TCIRG1: variants seen among roughly 807,000 people sequenced by gnomAD.
TCIRG1 encodes the protein V-type proton ATPase 116 kDa subunit a 3.
In TCIRG1, 86 loss-of-function variants were observed where a neutral mutation model predicts 95.5. The observed-to-expected ratio is 0.90, with a 90% confidence interval of 0.76 to 1.08. The LOEUF (loss-of-function observed/expected upper bound fraction) is 1.08, where lower values mean the gene tolerates loss of function less well. TCIRG1 is among the 50% of genes least tolerant of loss of function. The pLI, the probability that TCIRG1 is intolerant of heterozygous loss-of-function variation, is 0.00. For missense variants in TCIRG1, 1,069 were observed against 1,140.2 expected, an observed-to-expected ratio of 0.94 and a Z score of 0.90; for synonymous variants, 499 against 501.3, an observed-to-expected ratio of 1.00 and a Z score of 0.06.
In TCIRG1 at chr11:68,049,273, C is replaced by A; in HGVS notation, c.1866C>A (p.Asn622Lys). 1 of 1,612,014 alleles carries A rather than the reference C, an allele frequency of 6.2e-7. No individual in the cohort carries two copies. The highest frequency in any genetic ancestry group is 2.2e-5 in the East Asian group (1 of 44,860). The stretch of plus-strand genomic sequence containing the variant: ...TCCTCTTCTCCCACAGCCCCAGCAA[C>A]AGGCTGCTCTACCCCCGGCAGGTGG... Reference protein sequence around the residue: ...NMFLFSHSPSNRLLYPRQEVV... With the variant: ...NMFLFSHSPSKRLLYPRQEVV... The change falls in exon 15 of 20, where the codon AAC becomes AAA. Residue 622 changes from asparagine (N) to lysine (K), a missense_variant. By Grantham distance (94) the Asn-to-Lys change is moderately conservative. Coordinates refer to ENST00000265686, the MANE Select transcript of TCIRG1 (RefSeq NM_006019.4).
rs199696448 is a variant in TCIRG1 at position 68,049,117 on chromosome 11, G to A, written c.1710G>A (p.Thr570=). Residue 570 remains threonine, a synonymous_variant, in exon 15 of 20, where the codon ACG becomes ACA. Transcript: ENST00000265686. Reference sequence around the variant, plus strand: ...AGAGGCACCGGCTGCTGCTGGAGACGCTGCCGGAGCTCACCTTCCTGCTGG... The same window carrying A: ...AGAGGCACCGGCTGCTGCTGGAGACACTGCCGGAGCTCACCTTCCTGCTGG... ...FGQRHRLLLE[T]LPELTFLLGL... 1.7e-5 allele frequency: 27 copies of A among 1,613,694 alleles called. 1 individual carries two copies. The highest frequency in any genetic ancestry group is 1.4e-4 in the South Asian group (13 of 91,092).
chr11:68,053,727 T>C, downstream of TCIRG1: 1 of 388,706 alleles, frequency 2.6e-6, no homozygotes, highest in Non-Finnish European at 4.6e-6. Flanking sequence ...TTCTCTAGAT[T>C]AAAAGGATTC....
At chr11:68,040,153 G>T (rs1855089797) in intron 1 of TCIRG1, among the ~76,000 whole-genome samples, 1 of 152,160 alleles carries the variant, frequency 6.6e-6, no homozygotes. Flanking sequence ...GGTTATTTTT[G>T]TCACCTCCCT....
In TCIRG1 at chr11:68,040,519, A is replaced by G. The variant is rs117597992; in HGVS notation, c.-4-749A>G. Reference sequence around the variant, plus strand: ...CTGACCAGGCCTGTCCCCTCCCCCTAATTTTCGAGCTAAGCAACTGATTCC... The same window carrying G: ...CTGACCAGGCCTGTCCCCTCCCCCTGATTTTCGAGCTAAGCAACTGATTCC... On this transcript the variant is annotated intron_variant, in intron 1 of 19. Coordinates refer to ENST00000265686, the MANE Select transcript of TCIRG1 (RefSeq NM_006019.4). 3.9e-3 allele frequency among the ~76,000 whole-genome samples: 597 copies of G among 152,296 alleles called. 3 individuals carry two copies. The highest frequency in any genetic ancestry group is 6.4e-3 in the Non-Finnish European group (438 of 68,008).
chr11:68,047,437 C>T lies in TCIRG1; in HGVS notation c.1170C>T (p.Pro390=), dbSNP rs755686414. 2 of 1,613,888 alleles carry T rather than the reference C, an allele frequency of 1.2e-6. No homozygotes were observed. Among genetic ancestry groups the T allele is most frequent in the African/African-American group, 1.3e-5 (1 of 74,926 alleles). The change falls in exon 11 of 20, where the codon CCC becomes CCT. Residue 390 remains proline, a synonymous_variant. Transcript: ENST00000265686. ...VGRYQEVNPA[P]YTIITFPFLF... ...CTCACCCACCTCTGCCCACAGCTCC[C>T]TACACCATCATCACCTTCCCCTTCC... is the stretch of plus-strand genomic sequence containing the variant.
chr11:68,043,787 C>A (rs1202626040), intron 7 of TCIRG1, 27 bp from the exon 8 acceptor site: 1 of 1,553,462 alleles, frequency 6.4e-7, no homozygotes, highest in South Asian at 1.2e-5. Context: ...TCCTTCTGGC[C>A]CCTCACGCAG....
chr11:68,044,484 C>T lies in TCIRG1; in HGVS notation c.1020+140C>T, dbSNP rs1033852637. On this transcript the variant is annotated intron_variant, in intron 9 of 19. Transcript: ENST00000265686. ...TTCTCCTCCCAGCCTCCTCCATGGC[C>T]CACCGCTTCCAGGGAGTCTGCCCTG... 5.6e-6 allele frequency: 4 copies of T among 720,010 alleles called. No homozygotes were observed. The African/African-American group carries it at 7.0e-5, about 13-fold the overall frequency. 44.6% of individuals were successfully genotyped at this position (720,010 alleles called of 1,614,324 possible).
In TCIRG1 at chr11:68,050,171, T is replaced by C; in HGVS notation, c.2153T>C (p.Ile718Thr). The change falls in exon 18 of 20, where the codon ATC becomes ACC. Residue 718 changes from isoleucine to threonine, a missense_variant. Coordinates refer to ENST00000265686, the MANE Select transcript of TCIRG1 (RefSeq NM_006019.4). ...VPSEVLMHQA[I>T]HTIEFCLGCV... ...TCCGAGGTGCTCATGCACCAGGCCA[T>C]CCACACCATCGAGTTCTGCCTGGGC... 2 of 1,613,644 alleles carry C rather than the reference T, an allele frequency of 1.2e-6. No homozygotes were observed. Among genetic ancestry groups the C allele is most frequent in the African/African-American group, 1.3e-5 (1 of 75,048 alleles).
rs769231419 is a variant in TCIRG1, at chr11:68,049,747, C to T, written c.1972C>T (p.Arg658Cys). The change falls in exon 16 of 20, where the codon CGC becomes TGC. Residue 658 changes from arginine (R) to cysteine (C), a missense_variant. Coordinates refer to ENST00000265686, the MANE Select transcript of TCIRG1 (RefSeq NM_006019.4). ...LLGTPLHLLH[R>C]HRRRLRRRPA... is the part of the protein sequence containing the mutation. ...TGGCACACCCCTGCACCTGCTGCAC[C>T]GCCACCGCCGCCGCCTGCGGAGGAG... 1.7e-5 allele frequency: 27 copies of T among 1,577,314 alleles called. No homozygotes were observed. Among genetic ancestry groups the T allele is most frequent in the Middle Eastern group, 2.1e-4 (1 of 4,676 alleles).
chr11:68,050,302 C>T (rs765249211), intron 18 of TCIRG1, 48 bp downstream of exon 18: 11 of 1,599,838 alleles, frequency 6.9e-6, no homozygotes, highest in Non-Finnish European at 8.5e-6. Flanking sequence ...TGGCTTCTCA[C>T]ATACCGCTGC....
At chr11:68,040,109 G>C (rs991283075) in intron 1 of TCIRG1, 1 of 152,888 alleles carries the variant, frequency 6.5e-6, no homozygotes, top group Non-Finnish European at 1.5e-5. Flanking sequence ...ATTAGTGTGA[G>C]GTCGTGTGGA....
At chr11:68,049,610 C>T in intron 15 of TCIRG1, 53 bp from the exon 16 acceptor site, 1 of 1,583,954 alleles carries the variant, frequency 6.3e-7, no homozygotes, top group Non-Finnish European at 8.5e-7. Flanking sequence ...ACTCAGGTTC[C>T]TTTGCAGGTG....
chr11:68,046,118 T>C (rs1855471817), intron 10 of TCIRG1, among the ~76,000 whole-genome samples: 1 of 152,172 alleles, frequency 6.6e-6, no homozygotes, highest in South Asian at 2.1e-4. Flanking sequence ...CGGGGCAGCG[T>C]GTTTGCCAGG....
chr11:68,052,661 A>T (rs760246316), downstream of TCIRG1, among the ~76,000 whole-genome samples: 1 of 152,076 alleles, frequency 6.6e-6, no homozygotes, highest in Non-Finnish European at 1.5e-5. Context: ...GGGAAACCAG[A>T]GTGTGCTGGG....
Position 68,050,556 on chromosome 11 carries a change from C to A in TCIRG1, c.2306C>A (p.Ala769Glu). ...GLGLGREVGV[A>E]AVVLVPIFAA... The stretch of plus-strand genomic sequence containing the variant: ...GGCCTGGGCCGGGAGGTGGGCGTGG[C>A]GGCTGTGGTGCTGGTCCCCATCTTT... The change falls in exon 19 of 20, where the codon GCG becomes GAG. Residue 769 changes from alanine (A) to glutamate (E), a missense_variant. By Grantham distance (107) the Ala-to-Glu change is moderately radical (BLOSUM62 -1). Coordinates refer to ENST00000265686, the MANE Select transcript of TCIRG1 (RefSeq NM_006019.4). 2 of 1,613,652 alleles carry A rather than the reference C, an allele frequency of 1.2e-6. No individual in the cohort carries two copies. The highest frequency in any genetic ancestry group is 1.7e-6 in the Non-Finnish European group (2 of 1,180,024).
chr11:68,047,520 T>TGG lies in TCIRG1; in HGVS notation c.1254_1255dup (p.Ala419GlyfsTer12). The TGG allele has an allele frequency of 6.2e-7, 1 of 1,614,026 alleles. No individual in the cohort carries two copies. Among genetic ancestry groups the TGG allele is most frequent in the Non-Finnish European group, 8.5e-7 (1 of 1,180,014 alleles). ...GGGCTGCTCATGTTCCTGTTCGCCCTGGCCATGGTCCTTGCGGAGAACCGA... is the reference window on the plus strand; with the variant it reads ...GGGCTGCTCATGTTCCTGTTCGCCCTGGGGCCATGGTCCTTGCGGAGAACCGA... On this transcript the variant is annotated frameshift_variant, in exon 11 of 20. Transcript: ENST00000265686. LOFTEE classifies it high-confidence loss of function.
At chr11:68,053,587 G>A, downstream of TCIRG1, 1 of 187,656 alleles carries the variant, frequency 5.3e-6, no homozygotes, top group Non-Finnish European at 1.1e-5. Flanking sequence ...CAAAAGCCTG[G>A]TCACAGTGTT....
At chr11:68,045,229 T>C in intron 10 of TCIRG1, 127 bp downstream of exon 10, 1 of 1,180,190 alleles carries the variant, frequency 8.5e-7, no homozygotes, top group Non-Finnish European at 1.2e-6. Flanking sequence ...GGGGCACACA[T>C]CCCATCACTC....
At chr11:68,051,901 C>G (rs1855810408), downstream of TCIRG1, among the ~76,000 whole-genome samples, 1 of 152,132 alleles carries the variant, frequency 6.6e-6, no homozygotes, top group Non-Finnish European at 1.5e-5. Context: ...TGAGTGGCCC[C>G]AGTGTGATTT....
Sources: allele counts gnomAD v4.1 joint callset (sites outside exome capture counted in the v4.1 genomes callset), GRCh38; gene constraint gnomAD v4.1.1; transcripts MANE v1.5; gene names NCBI Gene and HGNC (gene_info 2026-07-23, HGNC 2026-07-21).